Variants in KHDRBS3 observed in about 807,000 individuals in gnomAD.
KHDRBS3 encodes the protein KH RNA binding domain containing, signal transduction associated 3.
In KHDRBS3, 23 loss-of-function variants were observed where a neutral mutation model predicts 45.6. The ratio of observed to expected loss-of-function variants is 0.50; its 90% CI spans 0.36 to 0.72. The LOEUF (loss-of-function observed/expected upper bound fraction) is 0.72. Among genes scored for constraint, KHDRBS3 ranks in the 30% least tolerant of loss-of-function variants. The pLI, the probability that KHDRBS3 is intolerant of heterozygous loss-of-function variation, is 0.00. For synonymous variants in KHDRBS3, 162 were observed against 156.5 expected (o/e 1.04, Z -0.26); for missense variants, 352 against 424.8 (o/e 0.83, Z 1.51).
intron 1 of KHDRBS3, among the ~76,000 whole-genome samples, chr8:135,470,651 T>C (rs1468706901): frequency 6.6e-6 from 1 of 151,666 alleles, no homozygotes; most frequent in Non-Finnish European, 1.5e-5. Flanking sequence ...AATGATGTGA[T>C]CTCGGCTCAC....
intron 1 of KHDRBS3, among the ~76,000 whole-genome samples, chr8:135,479,893 G>A (rs2130305893): frequency 6.6e-6 from 1 of 152,224 alleles, no homozygotes. Context: ...TATGAATTTA[G>A]ATGAAATCAT....
intron 5 of KHDRBS3, among the ~76,000 whole-genome samples, chr8:135,576,897 CT>C (rs1325495928): frequency 6.6e-6 from 1 of 152,082 alleles, no homozygotes; most frequent in Non-Finnish European, 1.5e-5. Flanking sequence ...ATAATGATGT[CT>C]CTGATTTTAA....
At chr8:135,627,925 C>T (rs1188351212) in intron 7 of KHDRBS3, among the ~76,000 whole-genome samples, 1 of 152,152 alleles carries the variant, frequency 6.6e-6, no homozygotes, top group African/African-American at 2.4e-5. Flanking sequence ...AAAAAATCTA[C>T]ACTTGGCATT....
chr8:135,626,237 A>C (rs946607600), intron 7 of KHDRBS3, among the ~76,000 whole-genome samples: 1 of 152,242 alleles, frequency 6.6e-6, no homozygotes, highest in African/African-American at 2.4e-5. Context: ...AAATTAAATT[A>C]ACTTTAAGCT....
intron 1 of KHDRBS3, among the ~76,000 whole-genome samples, chr8:135,501,902 T>C (rs1823754605): frequency 6.6e-6 from 1 of 152,224 alleles, no homozygotes; most frequent in East Asian, 1.9e-4. Context: ...ATTCTTTCAC[T>C]GAATTCACAC....
rs181742855 is a variant in KHDRBS3 at position 135,564,600 on chromosome 8, A to C, written c.611+7013A>C. Among the ~76,000 whole-genome samples the C allele has an allele frequency of 2.7e-3, 413 of 152,142 alleles. 5 individuals are homozygous for C. Among genetic ancestry groups the C allele is most frequent in the African/African-American group, 9.3e-3 (387 of 41,514 alleles). The stretch of plus-strand genomic sequence containing the variant: ...AGAAATTTGGGGAAGCGTCTTTATG[A>C]TATTGTCCTACAGGCTGAGTCTCTG... On this transcript the variant is annotated intron_variant, in intron 5 of 8. Transcript: ENST00000355849.
At chr8:135,540,183 A>G (rs1825975171) in intron 2 of KHDRBS3, 1 of 152,200 alleles carries the variant, frequency 6.6e-6, no homozygotes, top group Non-Finnish European at 1.5e-5. Flanking sequence ...AGAATGGGAG[A>G]GTGGGACAAC....
chr8:135,610,453 C>T (rs919076316), intron 7 of KHDRBS3, among the ~76,000 whole-genome samples: 1 of 151,708 alleles, frequency 6.6e-6, no homozygotes, highest in Admixed American at 6.6e-5. Context: ...GTTATTTATT[C>T]AATCAGTGTT....
chr8:135,536,250 T>TG (rs1447254288), intron 2 of KHDRBS3, among the ~76,000 whole-genome samples: 100 of 113,722 alleles, frequency 8.8e-4, no homozygotes, highest in Non-Finnish European at 1.5e-3. Flanking sequence ...TTTTTTTTTT[T>TG]TTTTTTTTTT....
intron 2 of KHDRBS3, among the ~76,000 whole-genome samples, chr8:135,529,173 G>A (rs571732445): frequency 1.3e-5 from 2 of 152,296 alleles, no homozygotes; most frequent in South Asian, 4.1e-4. Context: ...ATGATGGACG[G>A]TTCTCTTCTA....
chr8:135,471,476 T>C (rs1166079559), intron 1 of KHDRBS3, among the ~76,000 whole-genome samples: 2 of 152,212 alleles, frequency 1.3e-5, no homozygotes, highest in African/African-American at 4.8e-5. Flanking sequence ...GCTAATACTT[T>C]ATCCCTGCTT....
At chr8:135,642,483 C>A (rs1454429987) in intron 7 of KHDRBS3, among the ~76,000 whole-genome samples, 1 of 152,146 alleles carries the variant, frequency 6.6e-6, no homozygotes, top group Non-Finnish European at 1.5e-5. Context: ...TTTAGGAATG[C>A]CAGCCCTTAA....
chr8:135,579,060 A>G (rs891844355), intron 5 of KHDRBS3, among the ~76,000 whole-genome samples: 1 of 152,170 alleles, frequency 6.6e-6, no homozygotes, highest in Non-Finnish European at 1.5e-5. Flanking sequence ...CTTATTAGCT[A>G]TAGGAGTATG....
chr8:135,611,251 A>G (rs1829694191), intron 7 of KHDRBS3, among the ~76,000 whole-genome samples: 1 of 151,898 alleles, frequency 6.6e-6, no homozygotes, highest in Admixed American at 6.6e-5. Context: ...TCCTCATAAC[A>G]TGTCAAATAA....
intron 1 of KHDRBS3, among the ~76,000 whole-genome samples, chr8:135,496,199 A>T (rs886422204): frequency 6.8e-6 from 1 of 147,126 alleles, no homozygotes; most frequent in African/African-American, 2.5e-5. Context: ...CAAAAAAAAA[A>T]TAGCAAAAGA....
Position 135,544,639 on chromosome 8 carries a change from T to C in KHDRBS3, c.324+1869T>C, listed in dbSNP as rs116548249. On this transcript the variant is annotated intron_variant, in intron 3 of 8. Transcript: ENST00000355849. Reference sequence around the variant, plus strand: ...GAGACTGCTGGGGATTAAGGTGCTCTAGCATCTGCTGCAATGAGTCCTCTT... The same window carrying C: ...GAGACTGCTGGGGATTAAGGTGCTCCAGCATCTGCTGCAATGAGTCCTCTT... 4.5e-3 allele frequency among the ~76,000 whole-genome samples: 685 copies of C among 152,302 alleles called. 6 individuals are homozygous for C. The highest frequency in any genetic ancestry group is 0.015 in the African/African-American group (641 of 41,560).
chr8:135,559,416 G>C (rs181102714), intron 5 of KHDRBS3, among the ~76,000 whole-genome samples: 1 of 152,214 alleles, frequency 6.6e-6, no homozygotes, highest in East Asian at 1.9e-4. Flanking sequence ...GCAGTAGCAC[G>C]ATCTTGGCTC....
intron 6 of KHDRBS3, among the ~76,000 whole-genome samples, chr8:135,604,812 G>T (rs548249553): frequency 2.0e-5 from 3 of 151,442 alleles, no homozygotes; most frequent in African/African-American, 7.3e-5. Context: ...TTTACCTAAG[G>T]ATTTACCAGT....
chr8:135,493,520 T>A (rs1336331620), intron 1 of KHDRBS3, among the ~76,000 whole-genome samples: 3 of 152,184 alleles, frequency 2.0e-5, no homozygotes, highest in African/African-American at 7.2e-5. Context: ...TTTAATATTT[T>A]AAAATACTTT....
Sources: allele counts gnomAD v4.1 joint callset (sites outside exome capture counted in the v4.1 genomes callset), GRCh38; gene constraint gnomAD v4.1.1; transcripts MANE v1.5; gene names NCBI Gene and HGNC (gene_info 2026-07-23, HGNC 2026-07-21).